The following PDE1A variants were observed in gnomAD, a reference collection of about 807,000 sequenced individuals.
The protein encoded by PDE1A is phosphodiesterase 1A.
Under a neutral mutation model 61.7 loss-of-function variants are expected in PDE1A, and 35 were observed. The ratio of observed to expected loss-of-function variants is 0.57; its 90% CI spans 0.43 to 0.75. PDE1A has a LOEUF of 0.75. PDE1A is among the 30% of genes least tolerant of loss of function. PDE1A has a pLI of 0.00. For synonymous variants in PDE1A, 232 were observed against 213.2 expected, an observed-to-expected ratio of 1.09 and a Z score of -0.77; for missense variants, 597 against 630.6, an observed-to-expected ratio of 0.95 and a Z score of 0.57.
chr2:182,143,108 T>A, downstream of PDE1A: 1 of 152,076 alleles, frequency 6.6e-6, no homozygotes, highest in Non-Finnish European at 1.5e-5. Flanking sequence ...CGCATGCTAG[T>A]CAAAGAGTAC....
intron 2 of PDE1A, among the ~76,000 whole-genome samples, chr2:182,477,769 G>A (rs746152202): frequency 7.2e-5 from 11 of 151,846 alleles, no homozygotes; most frequent in South Asian, 4.1e-4. Flanking sequence ...GCATAGTTAC[G>A]GTAAACGACA....
chr2:182,423,236 A>G (rs549978340), intron 1 of PDE1A, among the ~76,000 whole-genome samples: 1 of 152,304 alleles, frequency 6.6e-6, no homozygotes, highest in East Asian at 1.9e-4. Context: ...AATTTTTTAA[A>G]AAATAGATTT....
the PDE1A span, among the ~76,000 whole-genome samples, chr2:182,705,851 GTAGAGT>G: frequency 6.6e-6 from 1 of 152,194 alleles, no homozygotes; most frequent in African/African-American, 2.4e-5. Flanking sequence ...GTTCATGACA[GTAGAGT>G]TAAACAGTTA....
intron 1 of PDE1A, among the ~76,000 whole-genome samples, chr2:182,355,687 T>C (rs1699138050): frequency 6.6e-6 from 1 of 152,044 alleles, no homozygotes; most frequent in East Asian, 1.9e-4. Flanking sequence ...CTAAAAATAG[T>C]TTCATGGTAA....
chr2:182,608,731 C>G, the PDE1A span, among the ~76,000 whole-genome samples: 2 of 152,240 alleles, frequency 1.3e-5, no homozygotes, highest in Non-Finnish European at 2.9e-5. Context: ...AGCGCCGCCC[C>G]CTGCTCCACG....
chr2:182,261,925 G>A (rs1692244462), intron 2 of PDE1A, among the ~76,000 whole-genome samples: 1 of 152,116 alleles, frequency 6.6e-6, no homozygotes, highest in Non-Finnish European at 1.5e-5. Context: ...GAAAATATCT[G>A]TTCAAGGACA....
chr2:182,694,484 C>T, the PDE1A span, among the ~76,000 whole-genome samples: 2 of 152,174 alleles, frequency 1.3e-5, no homozygotes, highest in Non-Finnish European at 2.9e-5. Context: ...AGCCTACTCT[C>T]ATCTGAGAAA....
At chr2:182,243,801 G>T (rs149652627) in intron 2 of PDE1A, among the ~76,000 whole-genome samples, 2 of 152,296 alleles carry the variant, frequency 1.3e-5, no homozygotes, top group East Asian at 3.9e-4. Context: ...AATTGGTATT[G>T]AGTTGGGTAT....
intron 2 of PDE1A, among the ~76,000 whole-genome samples, chr2:182,458,163 A>G (rs2125750707): frequency 6.6e-6 from 1 of 152,210 alleles, no homozygotes; most frequent in South Asian, 2.1e-4. Context: ...TGTAATAACC[A>G]TGGTACAATG....
chr2:182,426,754 C>A (rs1559452467), exon 1 of PDE1A: 2 of 1,525,130 alleles, frequency 1.3e-6, no homozygotes, highest in Non-Finnish European at 1.8e-6. Context: ...TTTCCTCTTT[C>A]TCTTTTTGGG....
the PDE1A span, among the ~76,000 whole-genome samples, chr2:182,635,395 T>C: frequency 5.3e-5 from 8 of 152,084 alleles, no homozygotes; most frequent in African/African-American, 1.9e-4. Flanking sequence ...TTTATGCTAA[T>C]AGTAGTATAT....
chr2:182,704,205 C>G, the PDE1A span, among the ~76,000 whole-genome samples: 6 of 119,566 alleles, frequency 5.0e-5, no homozygotes, highest in South Asian at 3.4e-4. Context: ...AGAGACACTC[C>G]GTCTGGAAAA....
At chr2:182,704,056 A>G in the PDE1A span, among the ~76,000 whole-genome samples, 1 of 151,348 alleles carries the variant, frequency 6.6e-6, no homozygotes, top group African/African-American at 2.4e-5. Context: ...ACAAAAAAAA[A>G]AAAAATTATC....
chr2:182,367,012 T>G (rs1699871635), intron 1 of PDE1A, among the ~76,000 whole-genome samples: 1 of 152,082 alleles, frequency 6.6e-6, no homozygotes, highest in Admixed American at 6.6e-5. Flanking sequence ...TTCAAGTACT[T>G]CTTGACCATC....
intron 1 of PDE1A, among the ~76,000 whole-genome samples, chr2:182,382,332 G>A (rs568760080): frequency 1.3e-5 from 2 of 152,258 alleles, no homozygotes; most frequent in East Asian, 3.9e-4. Flanking sequence ...AAGATGGAAG[G>A]GCTCAAGAAC....
intron 1 of PDE1A, among the ~76,000 whole-genome samples, chr2:182,362,265 G>C (rs1006652192): frequency 6.6e-6 from 1 of 151,866 alleles, no homozygotes; most frequent in Non-Finnish European, 1.5e-5. Flanking sequence ...TGTCCCCCAG[G>C]CCTTTTTGTT....
intron 1 of PDE1A, among the ~76,000 whole-genome samples, chr2:182,356,290 G>A (rs1380645704): frequency 6.6e-6 from 1 of 151,920 alleles, no homozygotes; most frequent in African/African-American, 2.4e-5. Context: ...AGTAGCACAA[G>A]TCTAGTTAGT....
At chr2:182,555,965 CAAAAAAAAAAAAAAAAAA>C in the PDE1A span, among the ~76,000 whole-genome samples, 20 of 48,440 alleles carry the variant, frequency 4.1e-4, no homozygotes, top group African/African-American at 1.7e-3. Context: ...AACTCCATCT[CAAAAAAAAAAAAAAAAAA>C]AAAAAAAAAA....
chr2:182,392,889 T>C (rs374530746), intron 1 of PDE1A, among the ~76,000 whole-genome samples: 1 of 152,274 alleles, frequency 6.6e-6, no homozygotes, highest in Non-Finnish European at 1.5e-5. Flanking sequence ...CCTGTGGCTT[T>C]GCAGGGTACA....
Sources: allele counts gnomAD v4.1 joint callset (sites outside exome capture counted in the v4.1 genomes callset), GRCh38; gene constraint gnomAD v4.1.1; transcripts MANE v1.5; gene names NCBI Gene and HGNC (gene_info 2026-07-23, HGNC 2026-07-21).